Variants in BRINP3 observed in about 807,000 individuals in gnomAD.
The protein encoded by BRINP3 is BMP/retinoic acid inducible neural specific 3.
A neutral mutation model predicts 71.0 loss-of-function variants in BRINP3; 19 were observed. The ratio of observed to expected loss-of-function variants is 0.27; its 90% CI spans 0.19 to 0.39. BRINP3 has a LOEUF of 0.39. BRINP3 is among the 10% of genes least tolerant of loss of function. The pLI is 1.00. For synonymous variants in BRINP3, 380 were observed against 337.7 expected, an observed-to-expected ratio of 1.13 and a Z score of -1.37; for missense variants, 959 against 940.8, an observed-to-expected ratio of 1.02 and a Z score of -0.25.
At chr1:190,262,835 CAG>C (rs1285425105) in intron 4 of BRINP3, among the ~76,000 whole-genome samples, 10 of 152,074 alleles carry the variant, frequency 6.6e-5, no homozygotes, top group African/African-American at 2.2e-4. Context: ...TTTGTATTAA[CAG>C]AGTCTAAATA....
intron 3 of BRINP3, among the ~76,000 whole-genome samples, chr1:190,266,369 C>G (rs1460629811): frequency 1.3e-5 from 2 of 152,124 alleles, no homozygotes; most frequent in Non-Finnish European, 2.9e-5. Flanking sequence ...CAGCTTCTCT[C>G]AGAAATAGAT....
At chr1:190,338,396 C>T (rs1462425281) in intron 2 of BRINP3, among the ~76,000 whole-genome samples, 3 of 151,948 alleles carry the variant, frequency 2.0e-5, no homozygotes, top group African/African-American at 7.2e-5. Context: ...TAAGTTGACT[C>T]TATTGTTGAA....
intron 2 of BRINP3, among the ~76,000 whole-genome samples, chr1:190,445,031 A>C (rs1337895765): frequency 6.6e-6 from 1 of 152,174 alleles, no homozygotes; most frequent in African/African-American, 2.4e-5. Flanking sequence ...AATTGGTGTA[A>C]GACTCTTTTA....
At chr1:190,140,087 C>T (rs1052370098) in intron 7 of BRINP3, among the ~76,000 whole-genome samples, 1 of 152,106 alleles carries the variant, frequency 6.6e-6, no homozygotes, top group Non-Finnish European at 1.5e-5. Context: ...GTTTTGAAAA[C>T]ATCTATAGCA....
intron 4 of BRINP3, 67 bp downstream of exon 4, chr1:190,264,798 A>C (rs565105386): frequency 2.3e-6 from 3 of 1,326,922 alleles, no homozygotes; most frequent in Non-Finnish European, 3.1e-6. Flanking sequence ...AATACATAAA[A>C]ATGCCTTTTG....
chr1:190,408,314 G>A (rs1672440065), intron 2 of BRINP3, among the ~76,000 whole-genome samples: 1 of 151,878 alleles, frequency 6.6e-6, no homozygotes, highest in African/African-American at 2.4e-5. Flanking sequence ...AAAGTGCTGG[G>A]ATTACAGGCG....
chr1:190,405,849 C>T (rs373196789), intron 2 of BRINP3, among the ~76,000 whole-genome samples: 1 of 152,110 alleles, frequency 6.6e-6, no homozygotes, highest in African/African-American at 2.4e-5. Flanking sequence ...CAAAATTAAT[C>T]CAAATATATT....
intron 2 of BRINP3, among the ~76,000 whole-genome samples, chr1:190,445,974 T>G (rs1675192478): frequency 6.6e-6 from 1 of 152,120 alleles, no homozygotes; most frequent in Non-Finnish European, 1.5e-5. Context: ...GAATACACTA[T>G]TAAACTAAAA....
chr1:190,416,234 C>A (rs1672995837), intron 2 of BRINP3, among the ~76,000 whole-genome samples: 1 of 152,112 alleles, frequency 6.6e-6, no homozygotes, highest in Non-Finnish European at 1.5e-5. Context: ...AAATATTAAT[C>A]ATTATATAAG....
chr1:190,397,842 A>C (rs1045579540), intron 2 of BRINP3, among the ~76,000 whole-genome samples: 4 of 151,996 alleles, frequency 2.6e-5, no homozygotes, highest in Non-Finnish European at 5.9e-5. Flanking sequence ...ATGTTTGAAT[A>C]ATAATAAAAA....
intron 2 of BRINP3, among the ~76,000 whole-genome samples, chr1:190,426,738 C>T (rs1045077431): frequency 1.3e-5 from 2 of 151,726 alleles, no homozygotes; most frequent in African/African-American, 2.4e-5. Flanking sequence ...CATTAGTTTA[C>T]AATTATGCCT....
intron 2 of BRINP3, among the ~76,000 whole-genome samples, chr1:190,369,712 A>T (rs1669737164): frequency 6.6e-6 from 1 of 152,086 alleles, no homozygotes; most frequent in Non-Finnish European, 1.5e-5. Context: ...ACTTTCTGTG[A>T]CTAGCTTGCT....
chr1:190,295,654 C>T (rs1664191379), intron 2 of BRINP3, among the ~76,000 whole-genome samples: 1 of 152,076 alleles, frequency 6.6e-6, no homozygotes, highest in Non-Finnish European at 1.5e-5. Flanking sequence ...GTCTAAATGC[C>T]TCTTCTGTGG....
chr1:190,383,351 A>C (rs2102261764), intron 2 of BRINP3, among the ~76,000 whole-genome samples: 1 of 152,196 alleles, frequency 6.6e-6, no homozygotes, highest in East Asian at 1.9e-4. Context: ...TACAGAAGTG[A>C]GAACTCATCA....
At chr1:190,402,587 G>A (rs994848931) in intron 2 of BRINP3, among the ~76,000 whole-genome samples, 2 of 152,004 alleles carry the variant, frequency 1.3e-5, no homozygotes, top group Admixed American at 1.3e-4. Flanking sequence ...TCATACACTG[G>A]TGCTGAACTT....
chr1:190,105,776 C>T (rs1419218775), intron 7 of BRINP3, among the ~76,000 whole-genome samples: 1 of 151,936 alleles, frequency 6.6e-6, no homozygotes, highest in Non-Finnish European at 1.5e-5. Context: ...CTGTCCACAT[C>T]TATGCAGCAT....
intron 6 of BRINP3, among the ~76,000 whole-genome samples, chr1:190,176,940 C>G (rs920095591): frequency 6.6e-6 from 1 of 152,136 alleles, no homozygotes; most frequent in African/African-American, 2.4e-5. Flanking sequence ...CATTAGTCAT[C>G]AACCCAAAAC....
chr1:190,227,044 A>C (rs771949932), intron 5 of BRINP3, among the ~76,000 whole-genome samples: 10 of 151,928 alleles, frequency 6.6e-5, no homozygotes, highest in Admixed American at 1.3e-4. Context: ...CTCAGGGTGT[A>C]GCATTTATTA....
intron 2 of BRINP3, among the ~76,000 whole-genome samples, chr1:190,365,899 A>T (rs1156272754): frequency 6.7e-6 from 1 of 149,580 alleles, no homozygotes; most frequent in Non-Finnish European, 1.5e-5. Context: ...AAATATCTTT[A>T]AGAAATACAG....
Sources: gnomAD v4.1 joint callset for allele counts (sites outside exome capture counted in the v4.1 genomes callset) on GRCh38, gnomAD v4.1.1 for gene constraint, MANE v1.5 for transcripts, NCBI Gene and HGNC (gene_info 2026-07-23, HGNC 2026-07-21) for gene names.